TEX51: variants seen among roughly 807,000 people sequenced by gnomAD.
The protein encoded by TEX51 is testis expressed 51.
A neutral mutation model predicts 8.0 loss-of-function variants in TEX51; 14 were observed. That is an observed-to-expected ratio of 1.76 (90% CI 1.16 to 2.75). The LOEUF is 2.75. Ranked by LOEUF, TEX51 falls within the 30% of genes most tolerant of loss-of-function variation. The probability of loss-of-function intolerance (pLI) is 0.00; values close to 1 mark genes in which losing one functional copy is unlikely to be tolerated. For synonymous variants in TEX51, 58 were observed against 28.6 expected (o/e 2.03, Z -3.29); for missense variants, 142 against 77.4 (o/e 1.83, Z -3.13).
Position 126,899,516 on chromosome 2 carries a change from T to C in TEX51, c.221-7T>C, listed in dbSNP as rs1278742516. 1 of 696,366 alleles carries C rather than the reference T, an allele frequency of 1.4e-6. No homozygotes were observed. The highest frequency in any genetic ancestry group is 2.6e-6 in the Non-Finnish European group (1 of 382,634). 43.1% of individuals were successfully genotyped at this position (696,366 alleles called of 1,614,324 possible). A position where few individuals can be genotyped will look rare whatever the true frequency, so the allele number is the denominator to read the frequency against. On this transcript the variant is annotated splice_polypyrimidine_tract_variant and splice_region_variant and intron_variant, in intron 2 of 6. Transcript: ENST00000568484. Reference sequence around the variant, plus strand: ...CCTGAACACCCCTTCCCTCCTGCTCTACCCAGATAAAACAGTACTTCTGGA... The same window carrying C: ...CCTGAACACCCCTTCCCTCCTGCTCCACCCAGATAAAACAGTACTTCTGGA...
chr2:126,900,687 T>C (rs1573450528), intron 4 of TEX51, among the ~76,000 whole-genome samples: 1 of 152,112 alleles, frequency 6.6e-6, no homozygotes, highest in Non-Finnish European at 1.5e-5. Context: ...CCAGGCCACA[T>C]CACACTCTGA....
At chr2:126,899,378 T>C (rs1680196092) in intron 2 of TEX51, 87 bp downstream of exon 2, 3 of 695,352 alleles carry the variant, frequency 4.3e-6, no homozygotes, top group Non-Finnish European at 7.9e-6. Context: ...CATGTGGCCA[T>C]GGGTGGGAGG....
Position 126,899,977 on chromosome 2 carries a change from A to T in TEX51, c.352A>T (p.Arg118Trp). The change falls in exon 4 of 7, where the codon AGG becomes TGG. Residue 118 changes from arginine (R) to tryptophan (W), a missense_variant. Arg to Trp is a moderately radical substitution (Grantham distance 101, BLOSUM62 -3). Coordinates refer to ENST00000568484, the MANE Select transcript of TEX51 (RefSeq NM_001322244.2). ...TLKVTSCADC[R>W]THFLSCNDPT... ...GAAGGTCACCAGCTGTGCTGACTGC[A>T]GGACTCACTTCCTCTCCTGCAATGA... The T allele has an allele frequency of 1.4e-6, 1 of 701,614 alleles. No homozygotes were observed. The highest frequency in any genetic ancestry group is 2.6e-6 in the Non-Finnish European group (1 of 384,772). 43.5% of individuals were successfully genotyped at this position (701,614 alleles called of 1,614,324 possible).
At chr2:126,899,476 T>G (rs1347051040) in intron 2 of TEX51, 47 bp from the exon 3 acceptor site, 6 of 685,930 alleles carry the variant, frequency 8.7e-6, no homozygotes, top group East Asian at 2.7e-5. Context: ...AACCCAACCT[T>G]GAGCAAGTTG....
rs544196986 is a variant in TEX51 at position 126,898,990 on chromosome 2, A to G, written c.72A>G (p.Glu24=). 3 of 702,032 alleles carry G rather than the reference A, an allele frequency of 4.3e-6. No individual in the cohort carries two copies. In the South Asian group the frequency reaches 4.4e-5, roughly 10 times the overall value. 43.5% of individuals were successfully genotyped at this position (702,032 alleles called of 1,614,324 possible). Residue 24 remains glutamate, a synonymous_variant, in exon 1 of 7, where the codon GAA becomes GAG. Transcript: ENST00000568484. ...EGKNCLRCWP[E]LSALIDYDLQ... ...AGAACTGCCTCCGCTGCTGGCCAGA[A>G]CTGTCTGCCTTGATAGACTATGACC...
At chr2:126,899,132 G>A (rs1212024557) in intron 1 of TEX51, 69 bp downstream of exon 1, 1 of 701,276 alleles carries the variant, frequency 1.4e-6, no homozygotes, top group Non-Finnish European at 2.6e-6. Context: ...GGCACAGCCA[G>A]GAGATCAGGG....
chr2:126,899,938 A>C lies in TEX51; in HGVS notation c.313A>C (p.Ile105Leu). 1.4e-6 allele frequency: 1 copy of C among 701,894 alleles called. No homozygotes were observed. The highest frequency in any genetic ancestry group is 1.5e-5 in the South Asian group (1 of 67,550). The allele number at this position is 701,894 out of a possible 1,614,324, so 43.5% of individuals were successfully genotyped here. A position where few individuals can be genotyped will look rare whatever the true frequency, so the allele number is the denominator to read the frequency against. Reference sequence around the variant, plus strand: ...CCCCTGTCCCTCCCCTCCCATAGACATACAGTCCACACTGAAGGTCACCAG... The same window carrying C: ...CCCCTGTCCCTCCCCTCCCATAGACCTACAGTCCACACTGAAGGTCACCAG... ...KISDGLKEKD[I>L]QSTLKVTSCA... Residue 105 changes from isoleucine (I) to leucine (L), a missense_variant and splice_region_variant, in exon 4 of 7, where the codon ATA becomes CTA. Ile to Leu is a conservative substitution (Grantham distance 5). Coordinates refer to ENST00000568484, the MANE Select transcript of TEX51 (RefSeq NM_001322244.2).
rs1201116146 is a variant in TEX51 at position 126,901,864 on chromosome 2, C to T, written c.*3-8C>T. ...GGTAGAAATGCCCAGCTTCTTCTCCCTCAGCAGGAACAGGGCAGCCCGCAT... is the reference window on the plus strand; with the variant it reads ...GGTAGAAATGCCCAGCTTCTTCTCCTTCAGCAGGAACAGGGCAGCCCGCAT... On this transcript the variant is annotated splice_polypyrimidine_tract_variant and splice_region_variant and intron_variant, in intron 6 of 6. Transcript: ENST00000568484. The T allele has an allele frequency of 5.0e-6, 3 of 600,606 alleles. No homozygotes were observed. Among genetic ancestry groups the T allele is most frequent in the South Asian group, 2.0e-5 (1 of 51,082 alleles). 37.2% of individuals were successfully genotyped at this position (600,606 alleles called of 1,614,324 possible).
chr2:126,900,155 C>T (rs1479836553), intron 4 of TEX51, 136 bp downstream of exon 4: 5 of 647,222 alleles, frequency 7.7e-6, no homozygotes, highest in East Asian at 2.7e-5. Flanking sequence ...AAGGCAGCAC[C>T]TTCTGGGATT....
In TEX51 at chr2:126,902,011, G is replaced by A. The variant is rs1301829868; in HGVS notation, c.*142G>A. ...GGGTCCTGGGGCCCCAAAGCTCTGA[G>A]GCCTAGGAGACTGCGCTGTCTCGTG... On this transcript the variant is annotated 3_prime_UTR_variant, in exon 7 of 7. Coordinates refer to ENST00000568484, the MANE Select transcript of TEX51 (RefSeq NM_001322244.2). 3.6e-6 allele frequency: 2 copies of A among 552,542 alleles called. No individual in the cohort carries two copies. Among genetic ancestry groups the A allele is most frequent in the South Asian group, 2.3e-5 (1 of 43,876 alleles). 34.2% of individuals were successfully genotyped at this position (552,542 alleles called of 1,614,324 possible). A position where few individuals can be genotyped will look rare whatever the true frequency, so the allele number is the denominator to read the frequency against.
In TEX51 at chr2:126,899,546, A is replaced by C; in HGVS notation, c.244A>C (p.Ile82Leu). 2 of 702,088 alleles carry C rather than the reference A, an allele frequency of 2.8e-6. No individual in the cohort carries two copies. Among genetic ancestry groups the C allele is most frequent in the Non-Finnish European group, 5.2e-6 (2 of 384,702 alleles). The allele number at this position is 702,088 out of a possible 1,614,324, so 43.5% of individuals were successfully genotyped here. ...AGATAAAACAGTACTTCTGGAAGAG[A>C]TCTACACGCACAAGAATCTCTTTAC... is the stretch of plus-strand genomic sequence containing the variant. ...RDDKTVLLEE[I>L]YTHKNLFTER... Residue 82 changes from isoleucine to leucine, a missense_variant, in exon 3 of 7, where the codon ATC (isoleucine) becomes CTC (leucine). By Grantham distance (5) the Ile-to-Leu change is conservative. Coordinates refer to ENST00000568484, the MANE Select transcript of TEX51 (RefSeq NM_001322244.2).
In TEX51 at chr2:126,899,991, C is replaced by G; in HGVS notation, c.366C>G (p.Leu122=). 3 of 701,372 alleles carry G rather than the reference C, an allele frequency of 4.3e-6. No homozygotes were observed. Among genetic ancestry groups the G allele is most frequent in the Non-Finnish European group, 7.8e-6 (3 of 384,808 alleles). The allele number at this position is 701,372 out of a possible 1,614,324, so 43.4% of individuals were successfully genotyped here. A position where few individuals can be genotyped will look rare whatever the true frequency, so the allele number is the denominator to read the frequency against. ...GTGCTGACTGCAGGACTCACTTCCTCTCCTGCAATGACCCCACTTTCTGCC... is the reference window on the plus strand; with the variant it reads ...GTGCTGACTGCAGGACTCACTTCCTGTCCTGCAATGACCCCACTTTCTGCC... The part of the protein sequence containing the change: ...TSCADCRTHF[L]SCNDPTFCPA... The change falls in exon 4 of 7, where the codon CTC becomes CTG. Residue 122 remains leucine, a synonymous_variant. Transcript: ENST00000568484.
chr2:126,900,308 C>T (rs775746000), intron 4 of TEX51, among the ~76,000 whole-genome samples: 3 of 150,846 alleles, frequency 2.0e-5, no homozygotes, highest in South Asian at 2.1e-4. Context: ...GCAGGAGAGT[C>T]GCTTGGACCC....
At chr2:126,899,150 G>A (rs1033830554) in intron 1 of TEX51, 67 bp from the exon 2 acceptor site, 12 of 701,976 alleles carry the variant, frequency 1.7e-5, no homozygotes, top group Admixed American at 2.0e-5. Flanking sequence ...GGGATTGGAT[G>A]TGGCCTCTTT....
chr2:126,901,372 T>C lies in TEX51; in HGVS notation c.471T>C (p.Ser157=), dbSNP rs759126021. Residue 157 remains serine (S), a synonymous_variant, in exon 6 of 7, where the codon TCT becomes TCC. Coordinates refer to ENST00000568484, the MANE Select transcript of TEX51 (RefSeq NM_001322244.2). ...ALLLAIAGDV[S]FTGKGRRRQ ...CCCTGTTTCTTGGCCCAGATGTTTC[T>C]TTTACTGGCAAAGGAAGAAGGAGGC... The C allele has an allele frequency of 1.4e-6, 1 of 702,334 alleles. No homozygotes were observed. The highest frequency in any genetic ancestry group is 1.5e-5 in the South Asian group (1 of 67,590). The allele number at this position is 702,334 out of a possible 1,614,324, so 43.5% of individuals were successfully genotyped here. A position where few individuals can be genotyped will look rare whatever the true frequency, so the allele number is the denominator to read the frequency against.
At chr2:126,901,308 A>T in intron 5 of TEX51, 30 bp downstream of exon 5, 1 of 701,552 alleles carries the variant, frequency 1.4e-6, no homozygotes, top group Non-Finnish European at 2.6e-6. Flanking sequence ...AAGCCCCAGC[A>T]TCCCCAGGGA....
In TEX51 at chr2:126,899,285, C is replaced by A; in HGVS notation, c.214C>A (p.Arg72=). Residue 72 remains arginine, a synonymous_variant, in exon 2 of 7, where the codon CGA becomes AGA. Transcript: ENST00000568484. ...TQVHQAIKTL[R]DDKTVLLEEI... ...AGTACACCAAGCCATTAAAACGTTA[C>A]GAGATGGTGAGGAAGCCAAGAGCCC... 1.4e-6 allele frequency: 1 copy of A among 702,048 alleles called. No individual in the cohort carries two copies. Among genetic ancestry groups the A allele is most frequent in the African/African-American group, 1.7e-5 (1 of 57,278 alleles). The allele number at this position is 702,048 out of a possible 1,614,324, so 43.5% of individuals were successfully genotyped here. A position where few individuals can be genotyped will look rare whatever the true frequency, so the allele number is the denominator to read the frequency against.
chr2:126,900,586 G>A (rs1445286255), intron 4 of TEX51, among the ~76,000 whole-genome samples: 1 of 151,932 alleles, frequency 6.6e-6, no homozygotes, highest in Non-Finnish European at 1.5e-5. Flanking sequence ...TCTTCTATGT[G>A]TTCCCATAGT....
chr2:126,901,554 G>A (rs1047325114), intron 6 of TEX51, 150 bp downstream of exon 6: 3 of 613,498 alleles, frequency 4.9e-6, no homozygotes, highest in African/African-American at 3.7e-5. Flanking sequence ...AGGACTCTCA[G>A]GAGTGCCACT....
Sources: gnomAD v4.1 joint callset for allele counts (sites outside exome capture counted in the v4.1 genomes callset) on GRCh38, gnomAD v4.1.1 for gene constraint, MANE v1.5 for transcripts, NCBI Gene and HGNC (gene_info 2026-07-23, HGNC 2026-07-21) for gene names.